The following TTLL7 variants were observed in gnomAD, a reference collection of about 807,000 sequenced individuals.
TTLL7 encodes the protein tubulin tyrosine ligase like 7.
TTLL7 carries 53 observed loss-of-function variants against 120.2 expected under a neutral mutation model. The observed-to-expected ratio is 0.44, with a 90% CI of 0.35 to 0.55. TTLL7 has a LOEUF of 0.55. Ranked by LOEUF, TTLL7 falls within the 20% of genes least tolerant of loss-of-function variation. The pLI is 0.00. For synonymous variants in TTLL7, 353 were observed against 351.7 expected, an observed-to-expected ratio of 1.00 and a Z score of -0.04; for missense variants, 803 against 1,054.7, an observed-to-expected ratio of 0.76 and a Z score of 3.31.
chr1:83,918,150 AT>A (rs1658347077), intron 13 of TTLL7, among the ~76,000 whole-genome samples: 1 of 152,166 alleles, frequency 6.6e-6, no homozygotes, highest in Non-Finnish European at 1.5e-5. Context: ...TAATGTGAGT[AT>A]TTGCTGACTG....
chr1:83,875,777 T>C (rs1391768289), intron 20 of TTLL7, among the ~76,000 whole-genome samples: 1 of 151,928 alleles, frequency 6.6e-6, no homozygotes, highest in Non-Finnish European at 1.5e-5. Flanking sequence ...CATTTTTCTA[T>C]TGTGTGGTCT....
At chr1:83,971,852 G>T (rs1218125390) in intron 1 of TTLL7, among the ~76,000 whole-genome samples, 1 of 152,012 alleles carries the variant, frequency 6.6e-6, no homozygotes, top group East Asian at 1.9e-4. Flanking sequence ...AGACAAAGAA[G>T]AATATTGGGA....
intron 19 of TTLL7, chr1:83,889,842 C>T (rs1655296481): frequency 2.2e-6 from 1 of 450,522 alleles, no homozygotes; most frequent in Non-Finnish European, 4.5e-6. Context: ...GATGCAGATG[C>T]CCCTGTGATA....
At chr1:83,994,550 G>A (rs1242497677) in intron 1 of TTLL7, among the ~76,000 whole-genome samples, 1 of 152,196 alleles carries the variant, frequency 6.6e-6, no homozygotes, top group African/African-American at 2.4e-5. Flanking sequence ...ATTTCCTCTG[G>A]TGGAAGGATA....
intron 9 of TTLL7, among the ~76,000 whole-genome samples, chr1:83,930,250 A>G (rs1307411315): frequency 6.6e-6 from 1 of 152,114 alleles, no homozygotes; most frequent in African/African-American, 2.4e-5. Context: ...ATGCATGTCT[A>G]TACTAACCAT....
At chr1:83,895,653 A>G (rs920473867) in intron 18 of TTLL7, among the ~76,000 whole-genome samples, 1 of 152,078 alleles carries the variant, frequency 6.6e-6, no homozygotes, top group African/African-American at 2.4e-5. Flanking sequence ...AACATTTTGG[A>G]TCCCCATTTT....
Position 83,940,367 on chromosome 1 carries a change from CAAATTATGTTTGTAGCTCAG to C in TTLL7, c.723+2076_723+2095del, listed in dbSNP as rs1252517009. ...TTATAATCTATGTATTGACAAGTCTCAAATTATGTTTGTAGCTCAGAAATGTCTTCTGAACTTCAAACTTA... is the reference window on the plus strand; with the variant it reads ...TTATAATCTATGTATTGACAAGTCTCAAATGTCTTCTGAACTTCAAACTTA... On this transcript the variant is annotated intron_variant, in intron 7 of 20. Coordinates refer to ENST00000260505, the MANE Select transcript of TTLL7 (RefSeq NM_024686.6). Among the ~76,000 whole-genome samples the C allele has an allele frequency of 1.2e-4, 18 of 152,274 alleles. No homozygotes were observed. The East Asian group carries it at 3.3e-3, about 28-fold the overall frequency.
At chr1:83,871,436 A>T (rs1237970341) in intron 20 of TTLL7, among the ~76,000 whole-genome samples, 2 of 152,210 alleles carry the variant, frequency 1.3e-5, no homozygotes, top group African/African-American at 2.4e-5. Context: ...TTCAAAGTGT[A>T]AGTCCTAGTA....
At chr1:83,929,256 T>C (rs1032903596) in intron 9 of TTLL7, 26 bp from the exon 10 acceptor site, 45 of 1,535,244 alleles carry the variant, frequency 2.9e-5, no homozygotes, top group Non-Finnish European at 4.0e-5. Flanking sequence ...AAGACAATAT[T>C]GGAAGGTAAA....
chr1:83,935,892 T>C (rs1647333573), intron 8 of TTLL7, among the ~76,000 whole-genome samples: 1 of 152,154 alleles, frequency 6.6e-6, no homozygotes, highest in Non-Finnish European at 1.5e-5. Flanking sequence ...AATTTTCAAA[T>C]AATTACATAA....
intron 20 of TTLL7, among the ~76,000 whole-genome samples, chr1:83,875,474 G>T (rs1653843947): frequency 6.6e-6 from 1 of 151,858 alleles, no homozygotes; most frequent in East Asian, 1.9e-4. Flanking sequence ...TAGCTATTAT[G>T]AGTAAATGCT....
intron 9 of TTLL7, among the ~76,000 whole-genome samples, chr1:83,931,747 T>C (rs1659617888): frequency 6.6e-6 from 1 of 152,296 alleles, no homozygotes; most frequent in East Asian, 1.9e-4. Flanking sequence ...AAAAATGTTT[T>C]CTACTTATGA....
chr1:83,933,306 G>T (rs1557675408), intron 9 of TTLL7, among the ~76,000 whole-genome samples: 2 of 152,150 alleles, frequency 1.3e-5, no homozygotes, highest in Non-Finnish European at 2.9e-5. Flanking sequence ...AAGCCAGGAG[G>T]CTGAGAAAAT....
chr1:83,985,422 G>A (rs998426677), intron 1 of TTLL7, among the ~76,000 whole-genome samples: 1 of 152,180 alleles, frequency 6.6e-6, no homozygotes, highest in East Asian at 1.9e-4. Context: ...CACAATGAGG[G>A]TGGGTCTTCC....
intron 8 of TTLL7, among the ~76,000 whole-genome samples, chr1:83,935,062 A>G (rs536929070): frequency 1.3e-5 from 2 of 152,278 alleles, no homozygotes; most frequent in South Asian, 2.1e-4. Context: ...TGTTACCCAG[A>G]ACCACAATCC....
intron 19 of TTLL7, among the ~76,000 whole-genome samples, chr1:83,886,493 A>G (rs1340433493): frequency 1.3e-5 from 2 of 152,080 alleles, no homozygotes; most frequent in African/African-American, 4.8e-5. Context: ...GGAGATTCAC[A>G]TCATTTTAAG....
rs1473411647 is a variant in TTLL7, at chr1:83,990,200, G to A, written c.-177+8731C>T. Among the ~76,000 whole-genome samples, 4 of 127,252 alleles carry A rather than the reference G, an allele frequency of 3.1e-5. No homozygotes were observed. The East Asian group carries it at 8.8e-4, about 28-fold the overall frequency. 83.5% of individuals were successfully genotyped at this position (127,252 alleles called of 152,430 possible). A position where few individuals can be genotyped will look rare whatever the true frequency, so the allele number is the denominator to read the frequency against. Reference sequence around the variant, plus strand: ...TTTTTTTTTTTTGAGACGGAGTCTCGCTCTGTCGCCCAGGCCGGACTGCGG... The same window carrying A: ...TTTTTTTTTTTTGAGACGGAGTCTCACTCTGTCGCCCAGGCCGGACTGCGG... On this transcript the variant is annotated intron_variant, in intron 1 of 20. Coordinates refer to ENST00000260505, the MANE Select transcript of TTLL7 (RefSeq NM_024686.6).
intron 19 of TTLL7, among the ~76,000 whole-genome samples, chr1:83,888,824 T>G (rs1472562135): frequency 6.6e-6 from 1 of 151,812 alleles, no homozygotes; most frequent in African/African-American, 2.4e-5. Flanking sequence ...AAGTTTAAAC[T>G]TAAATTATAA....
chr1:83,892,319 A>AAC lies in TTLL7; in HGVS notation c.2209-1839_2209-1838insGT, dbSNP rs1655590199. On this transcript the variant is annotated intron_variant, in intron 18 of 20. Coordinates refer to ENST00000260505, the MANE Select transcript of TTLL7 (RefSeq NM_024686.6). ...ATGAATATATATACGAATATATATG[A>AAC]ATATATATGTATATATGAATATATA... 5.0e-4 allele frequency among the ~76,000 whole-genome samples: 19 copies of AAC among 38,114 alleles called. 1 individual carries two copies. The highest frequency in any genetic ancestry group is 1.4e-3 in the African/African-American group (17 of 12,574). The allele number at this position is 38,114 out of a possible 152,430, so 25.0% of individuals were successfully genotyped here.
Sources: gnomAD v4.1 joint callset for allele counts (sites outside exome capture counted in the v4.1 genomes callset) on GRCh38, gnomAD v4.1.1 for gene constraint, MANE v1.5 for transcripts, NCBI Gene and HGNC (gene_info 2026-07-23, HGNC 2026-07-21) for gene names.